NCAM1: variants seen among roughly 807,000 people sequenced by gnomAD.
The protein encoded by NCAM1 is neural cell adhesion molecule 1.
In NCAM1, 14 loss-of-function variants were observed where a neutral mutation model predicts 109.8. The observed-to-expected ratio is 0.13, with a 90% CI of 0.08 to 0.20. NCAM1 has a LOEUF of 0.20. NCAM1 is among the 10% of genes least tolerant of loss of function. The pLI is 1.00. For synonymous variants in NCAM1, 418 were observed against 442.9 expected (o/e 0.94, Z 0.70); for missense variants, 774 against 1,109.9 (o/e 0.70, Z 4.30).
intron 1 of NCAM1, among the ~76,000 whole-genome samples, chr11:113,013,663 T>C (rs1156284925): frequency 1.3e-5 from 2 of 152,140 alleles, no homozygotes; most frequent in Non-Finnish European, 2.9e-5. Context: ...TGACTCAGGA[T>C]TTTAGTTTCT....
At chr11:113,251,801 GA>G (rs782667522) in intron 15 of NCAM1, among the ~76,000 whole-genome samples, 4 of 152,174 alleles carry the variant, frequency 2.6e-5, no homozygotes, top group Non-Finnish European at 5.9e-5. Flanking sequence ...AGCCATCTCA[GA>G]ACACAGTGCA....
intron 1 of NCAM1, among the ~76,000 whole-genome samples, chr11:113,068,698 CA>C (rs1555084687): frequency 6.6e-6 from 1 of 152,066 alleles, no homozygotes; most frequent in East Asian, 1.9e-4. Context: ...AACATTCTAC[CA>C]AAAGGATCTC....
intron 8 of NCAM1, among the ~76,000 whole-genome samples, chr11:113,216,403 C>T (rs1055857851): frequency 2.6e-5 from 4 of 152,068 alleles, no homozygotes; most frequent in African/African-American, 9.7e-5. Flanking sequence ...CCGCCCGCCT[C>T]GGCCTCCCAA....
intron 1 of NCAM1, among the ~76,000 whole-genome samples, chr11:112,981,570 G>A (rs1338314120): frequency 6.6e-6 from 1 of 151,810 alleles, no homozygotes; most frequent in Non-Finnish European, 1.5e-5. Context: ...TTATGGGACT[G>A]CCCTTTCACT....
intron 16 of NCAM1, 69 bp downstream of exon 16, chr11:113,256,070 A>C: frequency 1.6e-5 from 25 of 1,527,736 alleles, no homozygotes; most frequent in Admixed American, 3.9e-5. Context: ...TAGGGAAACA[A>C]CAGGGGCAGC....
At chr11:113,063,664 C>T (rs1168682408) in intron 1 of NCAM1, among the ~76,000 whole-genome samples, 1 of 152,150 alleles carries the variant, frequency 6.6e-6, no homozygotes, top group African/African-American at 2.4e-5. Context: ...TTCCTGGAAC[C>T]ACTCACTTCT....
intron 13 of NCAM1, among the ~76,000 whole-genome samples, 164 bp from the exon 14 acceptor site, chr11:113,234,869 G>T (rs1169318797): frequency 6.6e-6 from 1 of 152,248 alleles, no homozygotes; most frequent in Non-Finnish European, 1.5e-5. Context: ...ATCTGTATCT[G>T]TTTGGTCCCG....
At chr11:113,221,133 T>C (rs1944681380) in intron 8 of NCAM1, among the ~76,000 whole-genome samples, 163 bp from the exon 9 acceptor site, 1 of 152,192 alleles carries the variant, frequency 6.6e-6, no homozygotes, top group African/African-American at 2.4e-5. Flanking sequence ...AAATCCTAAA[T>C]TAAATTGTGT....
At chr11:113,166,823 A>G (rs1407820009) in intron 1 of NCAM1, among the ~76,000 whole-genome samples, 2 of 152,236 alleles carry the variant, frequency 1.3e-5, no homozygotes, top group Non-Finnish European at 2.9e-5. Flanking sequence ...TTCATAGTGC[A>G]TATCTCTACA....
At chr11:113,026,923 C>G (rs552936737) in intron 1 of NCAM1, among the ~76,000 whole-genome samples, 8 of 152,200 alleles carry the variant, frequency 5.3e-5, no homozygotes, top group East Asian at 1.9e-4. Flanking sequence ...ACCCAGTTCC[C>G]TCTCTTCCAG....
At chr11:113,221,683 C>A in intron 9 of NCAM1, 2 of 208,744 alleles carry the variant, frequency 9.6e-6, no homozygotes, top group Non-Finnish European at 9.8e-6. Flanking sequence ...TGGCTCTGGA[C>A]CATAAAGTCA....
intron 7 of NCAM1, among the ~76,000 whole-genome samples, chr11:113,211,119 G>A (rs1451005129): frequency 1.3e-5 from 2 of 152,138 alleles, no homozygotes; most frequent in Non-Finnish European, 2.9e-5. Context: ...CTGATATAGG[G>A]TTAGGGAGCC....
chr11:113,188,370 G>A (rs1448152802), intron 1 of NCAM1, among the ~76,000 whole-genome samples: 1 of 152,176 alleles, frequency 6.6e-6, no homozygotes, highest in African/African-American at 2.4e-5. Context: ...AGAGCAGACA[G>A]ATGTGTTACT....
chr11:113,193,639 C>CA (rs1380926442), intron 1 of NCAM1, among the ~76,000 whole-genome samples: 59 of 146,756 alleles, frequency 4.0e-4, no homozygotes, highest in African/African-American at 1.1e-3. Context: ...AATTCTGTGT[C>CA]AAAAAAAGAA....
At chr11:113,069,648 A>G (rs1938166468) in intron 1 of NCAM1, among the ~76,000 whole-genome samples, 1 of 152,188 alleles carries the variant, frequency 6.6e-6, no homozygotes, top group Admixed American at 6.5e-5. Flanking sequence ...TAAAAACTCA[A>G]GCAACATTGT....
rs1555125819 is a variant in NCAM1, at chr11:113,273,070, C to T, written c.2456+1194C>T. The T allele has an allele frequency of 2.2e-6, 1 of 456,824 alleles. No individual in the cohort carries two copies. Among genetic ancestry groups the T allele is most frequent in the Non-Finnish European group, 4.4e-6 (1 of 226,934 alleles). The allele number at this position is 456,824 out of a possible 1,614,324, so 28.3% of individuals were successfully genotyped here. ...ACCAGTGAGACCACCACCCTGACCT[C>T]CAGTATTGCCCCGCCGGCCACGGCC... On this transcript the variant is annotated intron_variant, in intron 19 of 19. Coordinates refer to ENST00000316851, the MANE Select transcript of NCAM1 (RefSeq NM_181351.5). The surrounding 1 kb of genome is among the most constrained non-coding windows in gnomAD (Gnocchi z 6.0).
At chr11:113,185,376 G>C (rs1943477908) in intron 1 of NCAM1, among the ~76,000 whole-genome samples, 3 of 152,080 alleles carry the variant, frequency 2.0e-5, no homozygotes, top group African/African-American at 7.2e-5. Flanking sequence ...CAACTGACTG[G>C]ATGAGGCACA....
intron 1 of NCAM1, among the ~76,000 whole-genome samples, chr11:113,166,759 G>GAC (rs1410613426): frequency 1.3e-5 from 2 of 151,334 alleles, no homozygotes; most frequent in Middle Eastern, 3.4e-3. Flanking sequence ...TTGTCACTGC[G>GAC]ACACACACAC....
intron 1 of NCAM1, among the ~76,000 whole-genome samples, chr11:113,108,825 G>A (rs1250326434): frequency 1.3e-5 from 2 of 148,260 alleles, no homozygotes; most frequent in Non-Finnish European, 3.0e-5. Flanking sequence ...GCCCAGGCTA[G>A]AGTGCAGTGG....
Sources: gnomAD v4.1 joint callset for allele counts (sites outside exome capture counted in the v4.1 genomes callset) on GRCh38, gnomAD v4.1.1 for gene constraint, Gnocchi (gnomAD v3.1) non-coding constraint, MANE v1.5 for transcripts, NCBI Gene and HGNC (gene_info 2026-07-23, HGNC 2026-07-21) for gene names.